Variants in ABCD3 observed in about 807,000 individuals in gnomAD.
ABCD3 encodes ATP-binding cassette sub-family D member 3.
A neutral mutation model predicts 105.5 loss-of-function variants in ABCD3; 41 were observed. The observed-to-expected ratio is 0.39, with a 90% CI of 0.30 to 0.50. The LOEUF (loss-of-function observed/expected upper bound fraction) is 0.50. Ranked by LOEUF, ABCD3 falls within the 20% of genes least tolerant of loss-of-function variation. The pLI, the probability that ABCD3 is intolerant of heterozygous loss-of-function variation, is 0.84. For missense variants in ABCD3, 622 were observed against 806.3 expected, an observed-to-expected ratio of 0.77 and a Z score of 2.77; for synonymous variants, 258 against 269.0, an observed-to-expected ratio of 0.96 and a Z score of 0.40.
intron 1 of ABCD3, among the ~76,000 whole-genome samples, chr1:94,450,124 C>G (rs979408783): frequency 1.3e-5 from 2 of 152,158 alleles, no homozygotes; most frequent in African/African-American, 4.8e-5. Flanking sequence ...AGCTAGTAAC[C>G]CATTAAAATG....
At chr1:94,513,787 T>C (rs987751610) in intron 21 of ABCD3, 1 of 151,954 alleles carries the variant, frequency 6.6e-6, no homozygotes, top group Non-Finnish European at 1.5e-5. Context: ...ATCCAATTAT[T>C]GTAGTATCAT....
chr1:94,430,037 T>G (rs1444447906), intron 1 of ABCD3, among the ~76,000 whole-genome samples: 1 of 152,252 alleles, frequency 6.6e-6, no homozygotes, highest in East Asian at 1.9e-4. Flanking sequence ...AACCCACCTC[T>G]TGCATCAGTG....
the ABCD3 span, among the ~76,000 whole-genome samples, chr1:94,385,698 C>G: frequency 1.3e-5 from 2 of 152,178 alleles, no homozygotes; most frequent in African/African-American, 4.8e-5. Flanking sequence ...TTTCAAAGCT[C>G]CTATGTCTAA....
the ABCD3 span, among the ~76,000 whole-genome samples, chr1:94,386,451 A>C: frequency 5.9e-3 from 899 of 152,372 alleles, 9 homozygotes; most frequent in African/African-American, 0.02. Flanking sequence ...TAGTACCGCT[A>C]GACTATCAAT....
intron 1 of ABCD3, among the ~76,000 whole-genome samples, chr1:94,440,411 C>A (rs891800236): frequency 1.3e-5 from 2 of 152,176 alleles, no homozygotes; most frequent in Non-Finnish European, 2.9e-5. Context: ...CTGTTCCTTG[C>A]AGTTTCTCTT....
chr1:94,393,265 A>G, the ABCD3 span, among the ~76,000 whole-genome samples: 2 of 152,154 alleles, frequency 1.3e-5, no homozygotes, highest in Non-Finnish European at 2.9e-5. Context: ...ATTCAGAAAG[A>G]GAAAGAGTAA....
At chr1:94,411,522 T>C in the ABCD3 span, among the ~76,000 whole-genome samples, 542 of 152,322 alleles carry the variant, frequency 3.6e-3, 1 homozygote, top group African/African-American at 0.012. Context: ...AGAACCCTTT[T>C]TCATTGCTGG....
intron 20 of ABCD3, 56 bp from the exon 21 acceptor site, chr1:94,506,482 C>A: frequency 9.8e-7 from 1 of 1,020,066 alleles, no homozygotes. Context: ...TTTGTTTCGG[C>A]TTACTAATTT....
intron 7 of ABCD3, 103 bp downstream of exon 7, chr1:94,475,840 T>C: frequency 2.3e-6 from 2 of 882,376 alleles, no homozygotes; most frequent in Admixed American, 2.5e-5. Flanking sequence ...CAGCAGCATG[T>C]AAATATTTAA....
intron 1 of ABCD3, among the ~76,000 whole-genome samples, chr1:94,431,453 G>A (rs1378265044): frequency 1.3e-5 from 2 of 152,096 alleles, no homozygotes; most frequent in Non-Finnish European, 2.9e-5. Context: ...TTGCTGTTAA[G>A]AAACTCATAG....
chr1:94,407,645 C>T, the ABCD3 span, among the ~76,000 whole-genome samples: 2 of 152,106 alleles, frequency 1.3e-5, no homozygotes, highest in South Asian at 4.1e-4. Flanking sequence ...ATCAGGAGCA[C>T]CAGGCTAGAC....
rs558467925 is a variant in ABCD3, at chr1:94,439,354, A to T, written c.111-19253A>T. On this transcript the variant is annotated intron_variant, in intron 1 of 22. Transcript: ENST00000370214. ...GATTTTTTTTTCACATTAAAAAAAA[A>T]TTCTAGGCTGGGCGCAGTGGCTCAT... 2.0e-5 allele frequency among the ~76,000 whole-genome samples: 3 copies of T among 152,198 alleles called. No homozygotes were observed. The South Asian group carries it at 6.2e-4, about 32-fold the overall frequency.
chr1:94,503,134 G>T (rs370396891), intron 20 of ABCD3, among the ~76,000 whole-genome samples: 1 of 152,070 alleles, frequency 6.6e-6, no homozygotes, highest in Non-Finnish European at 1.5e-5. Flanking sequence ...TATTCTTCCA[G>T]TGTGGCCCAG....
intron 1 of ABCD3, among the ~76,000 whole-genome samples, chr1:94,423,074 T>C (rs925811510): frequency 6.6e-6 from 1 of 152,296 alleles, no homozygotes; most frequent in Non-Finnish European, 1.5e-5. Context: ...CACTGTTCTT[T>C]GAACAGGCCA....
intron 4 of ABCD3, chr1:94,472,283 A>C: frequency 1.1e-6 from 1 of 916,964 alleles, no homozygotes; most frequent in Non-Finnish European, 1.3e-6. Flanking sequence ...TGTGTGTTTC[A>C]CAGCTTGGGC....
At chr1:94,427,778 A>G (rs1659524990) in intron 1 of ABCD3, among the ~76,000 whole-genome samples, 1 of 152,228 alleles carries the variant, frequency 6.6e-6, no homozygotes, top group African/African-American at 2.4e-5. Flanking sequence ...GCTCGACCCT[A>G]TTAGTTCTTT....
the ABCD3 span, among the ~76,000 whole-genome samples, chr1:94,407,479 G>C: frequency 6.6e-6 from 1 of 152,074 alleles, no homozygotes; most frequent in African/African-American, 2.4e-5. Context: ...TGTGTTTCAG[G>C]AATGTTTTGT....
At chr1:94,446,288 T>C (rs561514475) in intron 1 of ABCD3, among the ~76,000 whole-genome samples, 2 of 152,302 alleles carry the variant, frequency 1.3e-5, no homozygotes, top group East Asian at 3.9e-4. Flanking sequence ...CCGTGGTAGA[T>C]TTATGCTGCA....
chr1:94,474,138 T>A (rs1347095570), intron 5 of ABCD3, among the ~76,000 whole-genome samples: 1 of 149,944 alleles, frequency 6.7e-6, no homozygotes, highest in East Asian at 2.0e-4. Context: ...GTGTTTAGCA[T>A]CATCAATGAC....
Sources: gnomAD v4.1 joint callset for allele counts (sites outside exome capture counted in the v4.1 genomes callset) on GRCh38, gnomAD v4.1.1 for gene constraint, MANE v1.5 for transcripts, NCBI Gene and HGNC (gene_info 2026-07-23, HGNC 2026-07-21) for gene names.